Variants in ELF4 observed in about 807,000 individuals in gnomAD.
ELF4 encodes the protein ETS-related transcription factor Elf-4.
Under a neutral mutation model 31.7 loss-of-function variants are expected in ELF4, and 10 were observed. That is an observed-to-expected ratio of 0.32 (90% CI 0.19 to 0.54). ELF4 has a LOEUF of 0.54. ELF4 is among the 20% of genes least tolerant of loss of function. The pLI is 0.95. For synonymous variants in ELF4, 208 were observed against 226.7 expected (o/e 0.92, Z 0.74); for missense variants, 418 against 522.0 (o/e 0.80, Z 1.94).
In ELF4 at chrX:130,075,945, A is replaced by G. The variant is rs1932830775; in HGVS notation, c.76-1193T>C. On this transcript the variant is annotated intron_variant, in intron 2 of 8. Transcript: ENST00000308167. Reference sequence around the variant, plus strand: ...GGACATGGAGATACTGCTCATGCCAAGGGAGGGCCCAGGAGGAGGAAGAGC... The same window carrying G: ...GGACATGGAGATACTGCTCATGCCAGGGGAGGGCCCAGGAGGAGGAAGAGC... Among the ~76,000 whole-genome samples, 3 of 111,714 alleles carry G rather than the reference A, an allele frequency of 2.7e-5. No homozygotes were observed. In the Admixed American group the frequency reaches 2.9e-4, roughly 11 times the overall value.
rs1932807846 is a variant in ELF4 at position 130,073,677 on chromosome X, A to C, written c.340+372T>G. ...CAGGCTTGCGCCACCACGCCCAGCA[A>C]GTTTTTATATTTTTAGTAAAGATGG... On this transcript the variant is annotated intron_variant, in intron 4 of 8. Transcript: ENST00000308167. Among the ~76,000 whole-genome samples the C allele has an allele frequency of 2.7e-5, 3 of 111,574 alleles. No homozygotes were observed. The South Asian group carries it at 1.1e-3, about 41-fold the overall frequency.
At chrX:130,086,823 C>A (rs1932968981) in intron 1 of ELF4, among the ~76,000 whole-genome samples, 1 of 112,328 alleles carries the variant, frequency 8.9e-6, no homozygotes, top group African/African-American at 3.2e-5. Flanking sequence ...GACGGTGGAC[C>A]CCACTGGCTC....
intron 1 of ELF4, among the ~76,000 whole-genome samples, chrX:130,083,056 C>T (rs1038450329): frequency 3.1e-4 from 34 of 110,411 alleles, no homozygotes; most frequent in Non-Finnish European, 5.7e-4. Context: ...ACTTCCTTTC[C>T]GTTAGCCCAC....
intron 1 of ELF4, among the ~76,000 whole-genome samples, chrX:130,101,134 A>T (rs1430372426): frequency 8.9e-6 from 1 of 112,690 alleles, no homozygotes; most frequent in Admixed American, 9.4e-5. Flanking sequence ...TTATTGGTTG[A>T]TCACTGAACC....
At position 130,094,244 on chromosome X, in the gene ELF4, C is replaced by T. The variant is rs188028921; in HGVS notation, c.-209-12705G>A. ...ACTGAAAATACAAATATTAGCCAGG[C>T]GTGGTGGTGCAAGCCTGTAGTCCCA... On this transcript the variant is annotated intron_variant, in intron 1 of 8. Transcript: ENST00000308167. Among the ~76,000 whole-genome samples, 1,106 of 110,814 alleles carry T rather than the reference C, an allele frequency of 1.0e-2. 11 individuals carry two copies. The highest frequency in any genetic ancestry group is 0.034 in the African/African-American group (1,050 of 30,443).
chrX:130,069,223 CA>C (rs367640579), intron 8 of ELF4, 76 bp downstream of exon 8: 50,988 of 868,873 alleles, frequency 0.059, no homozygotes, highest in Non-Finnish European at 0.062. Context: ...GACTCCATCT[CA>C]AAAAAAAAAA....
At chrX:130,069,757 C>G in intron 7 of ELF4, 80 bp from the exon 8 acceptor site, 1 of 1,182,547 alleles carries the variant, frequency 8.5e-7, no homozygotes, top group Non-Finnish European at 1.1e-6. Flanking sequence ...CCCAGTGCTC[C>G]TCCCCGAGGG....
chrX:130,076,026 C>A (rs1932831327), intron 2 of ELF4, among the ~76,000 whole-genome samples: 1 of 111,152 alleles, frequency 9.0e-6, no homozygotes, highest in South Asian at 3.8e-4. Context: ...CTTGAGGTAC[C>A]TTTGGGACAT....
intron 4 of ELF4, 73 bp from the exon 5 acceptor site, chrX:130,072,490 C>A: frequency 9.2e-7 from 1 of 1,085,151 alleles, no homozygotes. Context: ...GCTGGAGAGA[C>A]GGGTAGGTTC....
intron 1 of ELF4, among the ~76,000 whole-genome samples, chrX:130,086,280 TC>T (rs1932958893): frequency 8.9e-6 from 1 of 112,227 alleles, no homozygotes; most frequent in Non-Finnish European, 1.9e-5. Flanking sequence ...AAACCCAGTT[TC>T]CTTCCTTGCT....
intron 1 of ELF4, among the ~76,000 whole-genome samples, chrX:130,105,777 G>A (rs1427187049): frequency 9.0e-6 from 1 of 110,858 alleles, no homozygotes; most frequent in Non-Finnish European, 1.9e-5. Flanking sequence ...ACTGCCATGA[G>A]CACAAGTGGC....
At position 130,074,635 on chromosome X, in the gene ELF4, C is replaced by A. The variant is rs368563898; in HGVS notation, c.193G>T (p.Gly65Trp). Residue 65 changes from glycine (G) to tryptophan (W), a missense_variant, in exon 3 of 9, where the codon GGG becomes TGG. Gly to Trp is a radical substitution (Grantham distance 184). This residue lies in a region of ELF4 where 35 missense variants were observed against 76.4 expected (regional missense o/e 0.46). Coordinates refer to ENST00000308167, the MANE Select transcript of ELF4 (RefSeq NM_001421.4). ...DDVHNGIITDGTLCMTQDQIL... is the reference protein window; with the variant it reads ...DDVHNGIITDWTLCMTQDQIL... ...TGATCCTGCGTCATGCACAAGGTCCCGTCTGTTATGATGCCATTGTGAACG... is the reference window on the plus strand; with the variant it reads ...TGATCCTGCGTCATGCACAAGGTCCAGTCTGTTATGATGCCATTGTGAACG... The A allele has an allele frequency of 8.3e-7, 1 of 1,211,709 alleles. No individual in the cohort carries two copies. Among genetic ancestry groups the A allele is most frequent in the South Asian group, 1.8e-5 (1 of 56,993 alleles).
At chrX:130,084,344 A>T (rs762950763) in intron 1 of ELF4, among the ~76,000 whole-genome samples, 1 of 112,466 alleles carries the variant, frequency 8.9e-6, no homozygotes, top group East Asian at 2.8e-4. Context: ...TATGTGGCCC[A>T]TGGGTCCCGG....
At chrX:130,100,667 C>T (rs962875231) in intron 1 of ELF4, among the ~76,000 whole-genome samples, 1 of 111,982 alleles carries the variant, frequency 8.9e-6, no homozygotes, top group Non-Finnish European at 1.9e-5. Flanking sequence ...GAACCCCCTT[C>T]TCTAAGCCCC....
intron 1 of ELF4, among the ~76,000 whole-genome samples, chrX:130,101,247 C>A (rs1359196474): frequency 8.9e-6 from 1 of 112,142 alleles, no homozygotes; most frequent in East Asian, 2.8e-4. Flanking sequence ...TTTAAAGAAG[C>A]CTTTTGTTTT....
At chrX:130,068,213 A>G (rs1490670063) in intron 8 of ELF4, among the ~76,000 whole-genome samples, 1 of 112,514 alleles carries the variant, frequency 8.9e-6, no homozygotes, top group Non-Finnish European at 1.9e-5. Context: ...ACAGCCCACA[A>G]GTGGGATAAG....
chrX:130,078,105 T>C, intron 2 of ELF4, among the ~76,000 whole-genome samples: 1 of 68,297 alleles, frequency 1.5e-5, no homozygotes, highest in Middle Eastern at 6.7e-3. Context: ...TGGAGTGCAA[T>C]GGCTCGATCT....
chrX:130,073,379 AC>A (rs1932805408), intron 4 of ELF4, among the ~76,000 whole-genome samples: 1 of 108,337 alleles, frequency 9.2e-6, no homozygotes, highest in African/African-American at 3.4e-5. Context: ...GAGCCACCAC[AC>A]CCGGCCTGGA....
chrX:130,071,309 C>A (rs755108757), intron 6 of ELF4, 27 bp downstream of exon 6: 1 of 1,211,130 alleles, frequency 8.3e-7, no homozygotes, highest in Non-Finnish European at 1.1e-6. Flanking sequence ...TCCCTCCCCA[C>A]CTCACCTGAG....
Sources: gnomAD v4.1 joint callset for allele counts (sites outside exome capture counted in the v4.1 genomes callset) on GRCh38, gnomAD v4.1.1 for gene constraint, gnomAD v4.1.1 regional missense constraint, MANE v1.5 for transcripts, NCBI Gene and HGNC (gene_info 2026-07-23, HGNC 2026-07-21) for gene names.